Variants in DRC11 observed in about 807,000 individuals in gnomAD.
DRC11 encodes dynein regulatory complex subunit 11.
the DRC11 span, among the ~76,000 whole-genome samples, chr2:236,347,684 A>G: frequency 1.3e-5 from 2 of 151,864 alleles, no homozygotes; most frequent in South Asian, 2.1e-4. Context: ...GAATGATACA[A>G]TGGACTTTGG....
chr2:236,337,802 G>C, the DRC11 span, among the ~76,000 whole-genome samples: 2 of 146,968 alleles, frequency 1.4e-5, no homozygotes, highest in Non-Finnish European at 3.0e-5. The surrounding 1 kb of genome is among the most constrained non-coding windows in gnomAD (Gnocchi z 4.9). Context: ...TGGACTTTGA[G>C]ACTGGAAGAA....
At chr2:236,421,837 C>T in the DRC11 span, among the ~76,000 whole-genome samples, 3 of 152,156 alleles carry the variant, frequency 2.0e-5, no homozygotes, top group African/African-American at 7.2e-5. Context: ...AATCCAGCAG[C>T]ACATCAAAAA....
At chr2:236,331,475 C>T in the DRC11 span, 5 of 1,613,984 alleles carry the variant, frequency 3.1e-6, no homozygotes, top group Admixed American at 1.7e-5. This position sits in a 1 kb window ranked among gnomAD's most constrained non-coding sequence, Gnocchi z 4.8. Flanking sequence ...TCTGTGAGCA[C>T]GCCTTTAACC....
chr2:236,318,497 G>C, the DRC11 span, among the ~76,000 whole-genome samples: 1 of 152,126 alleles, frequency 6.6e-6, no homozygotes, highest in Non-Finnish European at 1.5e-5. The surrounding 1 kb of genome is among the most constrained non-coding windows in gnomAD (Gnocchi z 7.0). Context: ...GTATGCATGT[G>C]TATCTGTGTA....
the DRC11 span, among the ~76,000 whole-genome samples, chr2:236,412,111 G>C: frequency 6.6e-6 from 1 of 152,142 alleles, no homozygotes; most frequent in Non-Finnish European, 1.5e-5. Context: ...GCCCAGGCTG[G>C]TCTCGAACTT....
At chr2:236,459,607 ACG>A in the DRC11 span, among the ~76,000 whole-genome samples, 1 of 140,494 alleles carries the variant, frequency 7.1e-6, no homozygotes, top group African/African-American at 2.7e-5. Flanking sequence ...ATACATATAT[ACG>A]TATATAAGTA....
chr2:236,338,283 C>T, the DRC11 span: 33 of 1,613,972 alleles, frequency 2.0e-5, no homozygotes, highest in African/African-American at 2.9e-4. Context: ...AGTTCAGCAT[C>T]GAAGGGACGC....
At chr2:236,410,440 G>A in the DRC11 span, among the ~76,000 whole-genome samples, 1 of 151,822 alleles carries the variant, frequency 6.6e-6, no homozygotes, top group Non-Finnish European at 1.5e-5. Flanking sequence ...TGGGTAGGAA[G>A]AATCAATATC....
chr2:236,501,940 C>G, the DRC11 span, among the ~76,000 whole-genome samples: 4 of 152,174 alleles, frequency 2.6e-5, no homozygotes, highest in African/African-American at 9.7e-5. Flanking sequence ...TTCAGTTCAA[C>G]ACAGAGGAAA....
At chr2:236,344,644 C>G in the DRC11 span, 1 of 1,612,598 alleles carries the variant, frequency 6.2e-7, no homozygotes, top group Non-Finnish European at 8.5e-7. Flanking sequence ...GTCGAGCCAC[C>G]TGCAGAGGAA....
the DRC11 span, chr2:236,324,521 C>T: frequency 1.8e-6 from 1 of 548,348 alleles, no homozygotes; most frequent in South Asian, 2.1e-5. This position sits in a 1 kb window ranked among gnomAD's most constrained non-coding sequence, Gnocchi z 5.7. Flanking sequence ...GGGTTTGCGG[C>T]ATCAGCTCAC....
chr2:236,500,594 A>G, the DRC11 span, among the ~76,000 whole-genome samples: 8 of 152,322 alleles, frequency 5.3e-5, no homozygotes, highest in East Asian at 1.2e-3. The surrounding 1 kb of genome is among the most constrained non-coding windows in gnomAD (Gnocchi z 6.3). Flanking sequence ...ACTCTTCCAG[A>G]CCAGCTTATT....
the DRC11 span, among the ~76,000 whole-genome samples, chr2:236,398,251 G>C: frequency 3.9e-5 from 6 of 152,288 alleles, no homozygotes; most frequent in Admixed American, 2.0e-4. This position sits in a 1 kb window ranked among gnomAD's most constrained non-coding sequence, Gnocchi z 6.2. Context: ...GTGTCCCCCA[G>C]GGTTCCCCTT....
At chr2:236,425,348 C>A in the DRC11 span, among the ~76,000 whole-genome samples, 1 of 151,956 alleles carries the variant, frequency 6.6e-6, no homozygotes, top group African/African-American at 2.4e-5. Context: ...TGATAACAGC[C>A]ATCCTAAGTG....
At chr2:236,489,350 T>C in the DRC11 span, among the ~76,000 whole-genome samples, 4 of 139,168 alleles carry the variant, frequency 2.9e-5, no homozygotes, top group Non-Finnish European at 6.1e-5. Flanking sequence ...CTGTGTGGGC[T>C]CCGGGTACAT....
the DRC11 span, among the ~76,000 whole-genome samples, chr2:236,453,600 G>A: frequency 6.6e-6 from 1 of 152,124 alleles, no homozygotes; most frequent in Non-Finnish European, 1.5e-5. The surrounding 1 kb of genome is among the most constrained non-coding windows in gnomAD (Gnocchi z 4.9). Context: ...CAGAGATGCA[G>A]TAGATTTGAG....
the DRC11 span, among the ~76,000 whole-genome samples, chr2:236,417,054 G>C: frequency 4.0e-4 from 60 of 151,196 alleles, no homozygotes; most frequent in African/African-American, 1.4e-3. Context: ...ATTTTTAGTA[G>C]AGATGGGGTT....
chr2:236,459,419 A>G, the DRC11 span, among the ~76,000 whole-genome samples: 1 of 151,632 alleles, frequency 6.6e-6, no homozygotes, highest in Non-Finnish European at 1.5e-5. Flanking sequence ...TTTAAGGACA[A>G]GCGAAATCTC....
At chr2:236,460,837 C>T in the DRC11 span, among the ~76,000 whole-genome samples, 1 of 152,152 alleles carries the variant, frequency 6.6e-6, no homozygotes, top group South Asian at 2.1e-4. This position sits in a 1 kb window ranked among gnomAD's most constrained non-coding sequence, Gnocchi z 4.0. Context: ...TCACTGCAAC[C>T]TCCACCTCCC....
Sources: gnomAD v4.1 joint callset for allele counts (sites outside exome capture counted in the v4.1 genomes callset) on GRCh38, gnomAD v4.1.1 for gene constraint, Gnocchi (gnomAD v3.1) non-coding constraint, MANE v1.5 for transcripts, NCBI Gene and HGNC (gene_info 2026-07-23, HGNC 2026-07-21) for gene names.